Variants in RAB6B observed in about 807,000 individuals in gnomAD.
RAB6B encodes ras-related protein Rab-6B.
A neutral mutation model predicts 31.2 loss-of-function variants in RAB6B; 7 were observed. The ratio of observed to expected loss-of-function variants is 0.22; its 90% CI spans 0.13 to 0.42. The LOEUF is 0.42. Ranked by LOEUF, RAB6B falls within the 10% of genes least tolerant of loss-of-function variation. RAB6B has a pLI of 1.00. For missense variants in RAB6B, 149 were observed against 280.6 expected, an observed-to-expected ratio of 0.53 and a Z score of 3.35; for synonymous variants, 105 against 104.9, an observed-to-expected ratio of 1.00 and a Z score of -0.01.
At chr3:133,864,284 C>T (rs1168793289) in intron 2 of RAB6B, among the ~76,000 whole-genome samples, 1 of 152,208 alleles carries the variant, frequency 6.6e-6, no homozygotes, top group East Asian at 1.9e-4. Flanking sequence ...CACATGATGA[C>T]TCCCCTGAAC....
At chr3:133,879,735 A>C (rs1337642600) in intron 1 of RAB6B, among the ~76,000 whole-genome samples, 2 of 152,180 alleles carry the variant, frequency 1.3e-5, no homozygotes, top group East Asian at 3.8e-4. Context: ...CAGCTCACTT[A>C]TGTTCTGAAT....
chr3:133,848,502 A>G (rs1393467760), intron 2 of RAB6B, among the ~76,000 whole-genome samples: 3 of 152,232 alleles, frequency 2.0e-5, no homozygotes, highest in South Asian at 2.1e-4. Context: ...CACAGACTGG[A>G]TAATTTACTT....
At chr3:133,864,512 C>G in intron 2 of RAB6B, 72 bp downstream of exon 2, 2 of 1,504,106 alleles carry the variant, frequency 1.3e-6, no homozygotes, top group Non-Finnish European at 1.9e-6. Context: ...CACTCCCACC[C>G]CAGCTCAGCA....
chr3:133,832,655 T>G (rs1413369456), intron 7 of RAB6B, among the ~76,000 whole-genome samples: 2 of 152,194 alleles, frequency 1.3e-5, no homozygotes, highest in African/African-American at 2.4e-5. Context: ...CTGGTCCCTC[T>G]GGGACCTCTG....
At chr3:133,872,280 G>A (rs1036081924) in intron 1 of RAB6B, among the ~76,000 whole-genome samples, 1 of 152,238 alleles carries the variant, frequency 6.6e-6, no homozygotes, top group Non-Finnish European at 1.5e-5. Flanking sequence ...ACAGAAGTGG[G>A]AATTGCTGGT....
chr3:133,867,221 T>A (rs575234573), intron 1 of RAB6B, among the ~76,000 whole-genome samples: 3 of 152,290 alleles, frequency 2.0e-5, no homozygotes, highest in Admixed American at 2.0e-4. Flanking sequence ...CTTTTAGGTG[T>A]GGGGTCCTGG....
intron 4 of RAB6B, 84 bp downstream of exon 4, chr3:133,841,191 TGTGCACACAC>T: frequency 1.0e-6 from 1 of 989,528 alleles, no homozygotes. Flanking sequence ...CACACATGCG[TGTGCACACAC>T]ATGCACACAG....
At chr3:133,841,089 G>A (rs1175013689) in intron 4 of RAB6B, among the ~76,000 whole-genome samples, 196 bp downstream of exon 4, 1 of 152,172 alleles carries the variant, frequency 6.6e-6, no homozygotes, top group Non-Finnish European at 1.5e-5. Flanking sequence ...AGGGTGGGGA[G>A]CAGTGGAAAC....
chr3:133,836,882 CCTTCTTGTCT>C (rs1935744403), intron 6 of RAB6B, among the ~76,000 whole-genome samples: 3 of 152,166 alleles, frequency 2.0e-5, no homozygotes, highest in Admixed American at 1.3e-4. Context: ...TCCCTTCCAC[CCTTCTTGTCT>C]CTTCTTGTCG....
intron 1 of RAB6B, among the ~76,000 whole-genome samples, chr3:133,881,595 C>T (rs893401549): frequency 6.6e-6 from 1 of 152,192 alleles, no homozygotes; most frequent in Non-Finnish European, 1.5e-5. Context: ...CACGTCATGG[C>T]AAGAAGGGCC....
At chr3:133,859,520 T>A (rs573187462) in intron 2 of RAB6B, among the ~76,000 whole-genome samples, 49 of 152,202 alleles carry the variant, frequency 3.2e-4, no homozygotes, top group African/African-American at 1.0e-3. Context: ...GTTTTCATCA[T>A]TGGGTCCTAC....
chr3:133,858,746 C>T (rs886255126), intron 2 of RAB6B, among the ~76,000 whole-genome samples: 11 of 152,142 alleles, frequency 7.2e-5, no homozygotes, highest in African/African-American at 2.4e-4. Flanking sequence ...ATGTTAGGGC[C>T]CATGAAGCGA....
At chr3:133,878,634 G>T (rs1936427679) in intron 1 of RAB6B, among the ~76,000 whole-genome samples, 1 of 152,196 alleles carries the variant, frequency 6.6e-6, no homozygotes, top group African/African-American at 2.4e-5. Context: ...ACATGTGTAT[G>T]TAAGATCTTT....
intron 4 of RAB6B, among the ~76,000 whole-genome samples, chr3:133,839,976 G>A (rs936942826): frequency 1.3e-5 from 2 of 151,402 alleles, no homozygotes; most frequent in African/African-American, 2.4e-5. Context: ...TGGGTCACAC[G>A]TGTGTGTGCA....
At chr3:133,843,501 C>A (rs1935866461) in intron 2 of RAB6B, among the ~76,000 whole-genome samples, 2 of 152,238 alleles carry the variant, frequency 1.3e-5, no homozygotes, top group Non-Finnish European at 2.9e-5. Flanking sequence ...CTCAACTCCT[C>A]AATGCTCAAC....
chr3:133,840,143 G>T (rs1466559552), intron 4 of RAB6B, among the ~76,000 whole-genome samples: 4 of 152,092 alleles, frequency 2.6e-5, no homozygotes, highest in Non-Finnish European at 4.4e-5. Context: ...GGCCAGAGGG[G>T]TTTCTGAAGA....
At chr3:133,869,492 T>C (rs1475551255) in intron 1 of RAB6B, among the ~76,000 whole-genome samples, 1 of 152,202 alleles carries the variant, frequency 6.6e-6, no homozygotes, top group Non-Finnish European at 1.5e-5. Context: ...AGTGGGAGCT[T>C]CAGAAAGGAT....
At chr3:133,876,903 CA>C (rs112845695) in intron 1 of RAB6B, among the ~76,000 whole-genome samples, 8 of 148,410 alleles carry the variant, frequency 5.4e-5, no homozygotes, top group East Asian at 2.0e-4. Context: ...AATACACACA[CA>C]AAAAAAAAAG....
At position 133,852,118 on chromosome 3, in the gene RAB6B, C is replaced by T. The variant is rs115536619; in HGVS notation, c.130-10455G>A. Among the ~76,000 whole-genome samples the T allele has an allele frequency of 5.5e-3, 834 of 152,346 alleles. 13 individuals carry two copies. Among genetic ancestry groups the T allele is most frequent in the African/African-American group, 0.019 (796 of 41,576 alleles). ...GGCTTACCAGCCAATACAAGATTGC[C>T]AAGCATCAAAGCCAATGGTGCTCCT... On this transcript the variant is annotated intron_variant, in intron 2 of 7. Transcript: ENST00000285208.
Sources: allele counts gnomAD v4.1 joint callset (sites outside exome capture counted in the v4.1 genomes callset), GRCh38; gene constraint gnomAD v4.1.1; transcripts MANE v1.5; gene names NCBI Gene and HGNC (gene_info 2026-07-23, HGNC 2026-07-21).